EXT1: variants seen among roughly 807,000 people sequenced by gnomAD.
The protein encoded by EXT1 is exostosin-1.
Under a neutral mutation model 82.5 loss-of-function variants are expected in EXT1, and 20 were observed. The ratio of observed to expected loss-of-function variants is 0.24; its 90% CI spans 0.17 to 0.35. EXT1 has a LOEUF of 0.35. Ranked by LOEUF, EXT1 falls within the 10% of genes least tolerant of loss-of-function variation. The pLI, the probability that EXT1 is intolerant of heterozygous loss-of-function variation, is 1.00. For missense variants in EXT1, 757 were observed against 936.5 expected (o/e 0.81, Z 2.50); for synonymous variants, 348 against 350.8 (o/e 0.99, Z 0.09).
intron 1 of EXT1, among the ~76,000 whole-genome samples, chr8:117,994,494 C>T (rs949712023): frequency 3.9e-5 from 6 of 152,078 alleles, no homozygotes; most frequent in African/African-American, 9.7e-5. Context: ...GTCTGTAGTC[C>T]CAGCTACTAG....
chr8:117,862,528 C>T (rs936660980), intron 1 of EXT1, among the ~76,000 whole-genome samples: 1 of 145,926 alleles, frequency 6.9e-6, no homozygotes, highest in Non-Finnish European at 1.5e-5. Flanking sequence ...AAAGCACCTC[C>T]TTCAGTAGTC....
At chr8:117,894,078 AC>A (rs1563593471) in intron 1 of EXT1, among the ~76,000 whole-genome samples, 1 of 151,776 alleles carries the variant, frequency 6.6e-6, no homozygotes. Context: ...ACATATCCCC[AC>A]TTGTTCAAGT....
chr8:117,958,115 C>CT (rs34055315), intron 1 of EXT1, among the ~76,000 whole-genome samples: 29 of 149,406 alleles, frequency 1.9e-4, no homozygotes, highest in Non-Finnish European at 3.1e-4. Flanking sequence ...GTTACCAAGT[C>CT]TTTTTTTTTT....
chr8:117,830,409 C>A, intron 3 of EXT1, 60 bp from the exon 4 acceptor site: 1 of 1,590,128 alleles, frequency 6.3e-7, no homozygotes, highest in South Asian at 1.1e-5. Context: ...TGCACTTGAT[C>A]AAAATAACCC....
intron 1 of EXT1, among the ~76,000 whole-genome samples, chr8:117,926,058 A>G (rs1050138843): frequency 3.3e-5 from 5 of 152,254 alleles, no homozygotes. Context: ...AATCAAGTCC[A>G]TAGAAGAGAC....
intron 1 of EXT1, among the ~76,000 whole-genome samples, chr8:117,937,374 A>T (rs1469213770): frequency 2.0e-5 from 3 of 152,178 alleles, no homozygotes; most frequent in African/African-American, 7.2e-5. Context: ...TTCTTCCTAA[A>T]CTAATCAAAT....
At chr8:117,984,657 T>C (rs1815278447) in intron 1 of EXT1, among the ~76,000 whole-genome samples, 1 of 152,042 alleles carries the variant, frequency 6.6e-6, no homozygotes, top group African/African-American at 2.4e-5. Context: ...GTGAACATGA[T>C]GTGGATTTTT....
At chr8:118,045,418 C>CT (rs1816606593) in intron 1 of EXT1, among the ~76,000 whole-genome samples, 1 of 152,102 alleles carries the variant, frequency 6.6e-6, no homozygotes, top group Non-Finnish European at 1.5e-5. Flanking sequence ...TGGTGTGAGC[C>CT]TTTCTTCATT....
chr8:118,004,467 A>G (rs1002313658), intron 1 of EXT1, among the ~76,000 whole-genome samples: 1 of 152,238 alleles, frequency 6.6e-6, no homozygotes, highest in African/African-American at 2.4e-5. Flanking sequence ...GAATATAGAA[A>G]AACTGAAACT....
At chr8:117,922,690 A>C (rs1316019829) in intron 1 of EXT1, among the ~76,000 whole-genome samples, 10 of 152,178 alleles carry the variant, frequency 6.6e-5, no homozygotes, top group Non-Finnish European at 1.5e-4. Flanking sequence ...AGCCAATCAG[A>C]TGCAGCATTT....
At chr8:117,973,800 AGAAAGGAAAG>A (rs1211158489) in intron 1 of EXT1, among the ~76,000 whole-genome samples, 1,345 of 43,334 alleles carry the variant, frequency 0.031, 11 homozygotes, top group Non-Finnish European at 0.04. Context: ...AAAAGAAAAG[AGAAAGGAAAG>A]GAAAGGAAAG....
intron 1 of EXT1, among the ~76,000 whole-genome samples, chr8:118,096,556 A>AT (rs1817613768): frequency 6.6e-6 from 1 of 151,250 alleles, no homozygotes; most frequent in Non-Finnish European, 1.5e-5. Flanking sequence ...AGCCGAGATC[A>AT]CGCCACTGCG....
At chr8:117,889,687 G>A (rs1347058050) in intron 1 of EXT1, among the ~76,000 whole-genome samples, 1 of 152,182 alleles carries the variant, frequency 6.6e-6, no homozygotes, top group Non-Finnish European at 1.5e-5. Context: ...ATTGCTGGCA[G>A]ATTAGATGTG....
intron 1 of EXT1, among the ~76,000 whole-genome samples, chr8:117,966,219 G>C (rs749245081): frequency 5.3e-5 from 8 of 152,172 alleles, no homozygotes; most frequent in Non-Finnish European, 1.2e-4. Context: ...CCCCAAGGCA[G>C]CATCCCATTC....
chr8:117,996,366 C>G (rs1042856237), intron 1 of EXT1, among the ~76,000 whole-genome samples: 4 of 152,210 alleles, frequency 2.6e-5, no homozygotes, highest in African/African-American at 7.2e-5. Context: ...AACTTCAATT[C>G]TATAATGGCA....
chr8:118,085,652 A>G (rs1471758369), intron 1 of EXT1, among the ~76,000 whole-genome samples: 1 of 151,994 alleles, frequency 6.6e-6, no homozygotes, highest in Non-Finnish European at 1.5e-5. Flanking sequence ...CATCCATTAC[A>G]CAACTGGGAA....
intron 1 of EXT1, among the ~76,000 whole-genome samples, chr8:117,893,386 A>G (rs746251059): frequency 2.0e-5 from 3 of 152,236 alleles, no homozygotes; most frequent in Non-Finnish European, 2.9e-5. Flanking sequence ...CAAAAGCCAC[A>G]CTGTTAATAC....
chr8:117,913,757 G>A (rs115248325), intron 1 of EXT1, among the ~76,000 whole-genome samples: 3,067 of 152,268 alleles, frequency 0.02, 103 homozygotes, highest in African/African-American at 0.071. Flanking sequence ...AATAAGGGTA[G>A]AACACATTAC....
intron 2 of EXT1, among the ~76,000 whole-genome samples, chr8:117,835,965 A>G (rs561188795): frequency 6.6e-6 from 1 of 152,336 alleles, no homozygotes; most frequent in South Asian, 2.1e-4. Flanking sequence ...AAAGTGGTTT[A>G]CCCCAATGTC....
Sources: allele counts gnomAD v4.1 joint callset (sites outside exome capture counted in the v4.1 genomes callset), GRCh38; gene constraint gnomAD v4.1.1; transcripts MANE v1.5; gene names NCBI Gene and HGNC (gene_info 2026-07-23, HGNC 2026-07-21).